UBAP2: variants seen among roughly 807,000 people sequenced by gnomAD.
UBAP2 encodes the protein ubiquitin-associated protein 2.
In UBAP2, 75 loss-of-function variants were observed where a neutral mutation model predicts 139.6. The observed-to-expected ratio is 0.54, with a 90% confidence interval of 0.45 to 0.65. The LOEUF (loss-of-function observed/expected upper bound fraction) is 0.65, where lower values mean the gene tolerates loss of function less well. Among genes scored for constraint, UBAP2 ranks in the 30% least tolerant of loss-of-function variants. The pLI, the probability that UBAP2 is intolerant of heterozygous loss-of-function variation, is 0.00. For missense variants in UBAP2, 1,368 were observed against 1,369.6 expected (o/e 1.00, Z 0.02); for synonymous variants, 526 against 526.2 (o/e 1.00, Z 0.01).
upstream of UBAP2, chr9:34,048,981 TGCGCGGCTTCAGAGTCAGCCTAGGCGGC>T (rs1827882756): frequency 1.3e-5 from 2 of 152,198 alleles, no homozygotes; most frequent in Non-Finnish European, 2.9e-5. Flanking sequence ...ACGTCGCTCG[TGCGCGGCTTCAGAGTCAGCCTAGGCGGC>T]GCGCGGCCTC....
chr9:33,940,423 A>G (rs144907734), intron 16 of UBAP2, among the ~76,000 whole-genome samples: 277 of 152,284 alleles, frequency 1.8e-3, no homozygotes, highest in Non-Finnish European at 2.7e-3. Flanking sequence ...GGACATACAG[A>G]GTTGTTGAGC....
chr9:33,948,534 G>A lies in UBAP2; in HGVS notation c.1110C>T (p.Asn370=). 6.2e-7 allele frequency: 1 copy of A among 1,614,182 alleles called. No individual in the cohort carries two copies. Among genetic ancestry groups the A allele is most frequent in the Non-Finnish European group, 8.5e-7 (1 of 1,180,030 alleles). The change falls in exon 13 of 29, where the codon AAC becomes AAT. Residue 370 remains asparagine (N), a synonymous_variant. Transcript: ENST00000379238. The part of the protein sequence containing the change: ...FGELAPPKMA[N]ITSSQILDQL... ...GGTCCAAAATCTGGGAGCTGGTGAT[G>A]TTTGCCATTTTTGGTGGTGCAAGCT...
rs1366708418 is a variant in UBAP2, at chr9:33,944,650, T to C, written c.1271-11A>G. ...GTTGAGATTTGAAGTCTAAAAAAAGTAAGCAGCAATTAATGAGGCATAATG... is the reference window on the plus strand; with the variant it reads ...GTTGAGATTTGAAGTCTAAAAAAAGCAAGCAGCAATTAATGAGGCATAATG... On this transcript the variant is annotated splice_polypyrimidine_tract_variant and intron_variant, in intron 13 of 28. Coordinates refer to ENST00000379238, the MANE Select transcript of UBAP2 (RefSeq NM_001370062.2). The C allele has an allele frequency of 1.9e-6, 3 of 1,609,886 alleles. No homozygotes were observed. The highest frequency in any genetic ancestry group is 2.5e-6 in the Non-Finnish European group (3 of 1,176,648).
intron 16 of UBAP2, among the ~76,000 whole-genome samples, chr9:33,940,185 CCA>C (rs1471885842): frequency 2.0e-5 from 3 of 152,106 alleles, no homozygotes; most frequent in Non-Finnish European, 4.4e-5. Context: ...ATGGGAACCA[CCA>C]CAGTGTCGTT....
chr9:33,986,046 T>C (rs1821178898), intron 6 of UBAP2, among the ~76,000 whole-genome samples: 1 of 151,878 alleles, frequency 6.6e-6, no homozygotes, highest in Admixed American at 6.6e-5. Flanking sequence ...AATTTTTGTA[T>C]TTTTTTGTAT....
intron 3 of UBAP2, 38 bp downstream of exon 3, chr9:33,998,749 G>T (rs1822415179): frequency 6.4e-7 from 1 of 1,558,950 alleles, no homozygotes; most frequent in African/African-American, 1.4e-5. Context: ...AATCAAAATA[G>T]ATTATAAAAA....
chr9:33,990,300 T>A (rs1821590058), intron 4 of UBAP2, among the ~76,000 whole-genome samples: 1 of 152,192 alleles, frequency 6.6e-6, no homozygotes, highest in East Asian at 1.9e-4. Context: ...TGACATTATA[T>A]ATCCAAAGTA....
At chr9:33,993,844 G>A (rs537970461) in intron 4 of UBAP2, among the ~76,000 whole-genome samples, 60 of 150,676 alleles carry the variant, frequency 4.0e-4, no homozygotes, top group African/African-American at 1.4e-3. Context: ...CTATAAAATC[G>A]TTCAAGAGGT....
intron 1 of UBAP2, among the ~76,000 whole-genome samples, chr9:34,023,823 T>G (rs1443495763): frequency 6.6e-6 from 1 of 150,880 alleles, no homozygotes; most frequent in Non-Finnish European, 1.5e-5. Context: ...GGCAGGCGGA[T>G]CACGAGGTCA....
At chr9:34,002,623 A>G (rs1451029019) in intron 2 of UBAP2, among the ~76,000 whole-genome samples, 1 of 151,856 alleles carries the variant, frequency 6.6e-6, no homozygotes, top group Non-Finnish European at 1.5e-5. Context: ...TGATCCGCCC[A>G]CCTCGGCCTC....
chr9:33,996,485 AT>A, intron 3 of UBAP2, 152 bp from the exon 4 acceptor site: 3 of 570,844 alleles, frequency 5.3e-6, no homozygotes, highest in Non-Finnish European at 9.2e-6. Flanking sequence ...ATGTTTACTT[AT>A]TTTTTTGTGG....
chr9:34,022,390 T>C (rs1201300890), intron 1 of UBAP2, among the ~76,000 whole-genome samples: 8 of 150,542 alleles, frequency 5.3e-5, no homozygotes, highest in Admixed American at 5.3e-4. Flanking sequence ...GAAGATCACT[T>C]AACCCACAGT....
chr9:34,035,514 A>AAAAAAAAAAATATATAT lies in UBAP2; in HGVS notation c.-42+13310_-42+13311insATATATATTTTTTTTTT. On this transcript the variant is annotated intron_variant, in intron 1 of 28. Coordinates refer to ENST00000379238, the MANE Select transcript of UBAP2 (RefSeq NM_001370062.2). ...GAGACTCCATCTAAAAAAAAAAAAA[A>AAAAAAAAAAATATATAT]ATATATATATATAAAGATTAGCCAG... Among the ~76,000 whole-genome samples the AAAAAAAAAAATATATAT allele has an allele frequency of 5.3e-4, 12 of 22,476 alleles. 1 individual carries two copies. Among genetic ancestry groups the AAAAAAAAAAATATATAT allele is most frequent in the Admixed American group, 1.4e-3 (2 of 1,446 alleles). The allele number at this position is 22,476 out of a possible 152,430, so 14.7% of individuals were successfully genotyped here. A position where few individuals can be genotyped will look rare whatever the true frequency, so the allele number is the denominator to read the frequency against.
intron 2 of UBAP2, among the ~76,000 whole-genome samples, chr9:34,004,209 A>G (rs1017274245): frequency 6.6e-6 from 1 of 152,212 alleles, no homozygotes; most frequent in Non-Finnish European, 1.5e-5. Flanking sequence ...AAACGGGCAT[A>G]ATGAACTTTT....
chr9:33,998,115 T>C (rs1263143623), intron 3 of UBAP2: 1 of 152,230 alleles, frequency 6.6e-6, no homozygotes, highest in Non-Finnish European at 1.5e-5. Context: ...ACAACCATGT[T>C]TGAAATGGCA....
chr9:33,940,643 G>T (rs896800985), intron 16 of UBAP2, among the ~76,000 whole-genome samples: 7 of 152,134 alleles, frequency 4.6e-5, no homozygotes, highest in African/African-American at 1.7e-4. Flanking sequence ...GCCAGACATG[G>T]CAATGCATGT....
chr9:34,002,492 C>T (rs1339604039), intron 2 of UBAP2, among the ~76,000 whole-genome samples: 1 of 151,404 alleles, frequency 6.6e-6, no homozygotes, highest in African/African-American at 2.4e-5. Flanking sequence ...ATTCTCTTGC[C>T]TCAGCCTCCT....
At chr9:33,933,081 T>C (rs117879906) in intron 18 of UBAP2, among the ~76,000 whole-genome samples, 1 of 152,304 alleles carries the variant, frequency 6.6e-6, no homozygotes, top group East Asian at 1.9e-4. Context: ...CTACACCTTG[T>C]TCTAATAACA....
In UBAP2 at chr9:33,927,949, G is replaced by A. The variant is rs1436858151; in HGVS notation, c.2219C>T (p.Thr740Ile). Residue 740 changes from threonine (T) to isoleucine (I), a missense_variant, in exon 20 of 29, where the codon ACC becomes ATC. By Grantham distance (89) the Thr-to-Ile change is moderately conservative. Coordinates refer to ENST00000379238, the MANE Select transcript of UBAP2 (RefSeq NM_001370062.2). ...GACGGAGGTCGCTGCCGTGGAGAAG[G>A]TGGCTGAGGACTGGTGGGAAGAGGC... ...ESASSHQSSA[T>I]FSTAATSVSS... The A allele has an allele frequency of 1.9e-6, 3 of 1,614,120 alleles. No homozygotes were observed. In the South Asian group the frequency reaches 3.3e-5, roughly 18 times the overall value.
Sources: allele counts gnomAD v4.1 joint callset (sites outside exome capture counted in the v4.1 genomes callset), GRCh38; gene constraint gnomAD v4.1.1; transcripts MANE v1.5; gene names NCBI Gene and HGNC (gene_info 2026-07-23, HGNC 2026-07-21).